The following TACC1 variants were observed in gnomAD, a reference collection of about 807,000 sequenced individuals.
The protein encoded by TACC1 is transforming acidic coiled-coil containing protein 1.
TACC1 carries 48 observed loss-of-function variants against 84.4 expected under a neutral mutation model. The observed-to-expected ratio is 0.57, with a 90% CI of 0.45 to 0.72. TACC1 has a LOEUF of 0.72. Ranked by LOEUF, TACC1 falls within the 30% of genes least tolerant of loss-of-function variation. TACC1 has a pLI of 0.00. For synonymous variants in TACC1, 372 were observed against 376.3 expected, an observed-to-expected ratio of 0.99 and a Z score of 0.13; for missense variants, 920 against 973.0, an observed-to-expected ratio of 0.95 and a Z score of 0.72.
upstream of TACC1, among the ~76,000 whole-genome samples, chr8:38,782,761 C>G (rs1816290473): frequency 6.6e-6 from 1 of 152,204 alleles, no homozygotes; most frequent in Admixed American, 6.5e-5. Flanking sequence ...AGATAGTTCA[C>G]TGCTTTAAGT....
At chr8:38,821,305 T>G (rs1404928692) in intron 3 of TACC1, among the ~76,000 whole-genome samples, 1 of 152,168 alleles carries the variant, frequency 6.6e-6, no homozygotes, top group East Asian at 1.9e-4. Flanking sequence ...AATTCAAATG[T>G]CACTGCTGGC....
rs59850971 is a variant in TACC1 at position 38,823,658 on chromosome 8, A to G, written c.1392-1650A>G. Among the ~76,000 whole-genome samples the G allele has an allele frequency of 8.1e-3, 1,229 of 152,204 alleles. 14 individuals carry two copies. Among genetic ancestry groups the G allele is most frequent in the African/African-American group, 0.028 (1,171 of 41,508 alleles). ...TAATACACTTAATAGGGCTTTTTTT[A>G]AGGCCTTATGCAATCAAAAATCTTG... On this transcript the variant is annotated intron_variant, in intron 3 of 12. Coordinates refer to ENST00000317827, the MANE Select transcript of TACC1 (RefSeq NM_006283.3).
At chr8:38,785,559 C>A (rs1816976214), upstream of TACC1, 4 of 357,572 alleles carry the variant, frequency 1.1e-5, no homozygotes, top group Non-Finnish European at 1.6e-5. Flanking sequence ...AGTGCGGGAA[C>A]TATGTCAGTC....
At chr8:38,790,945 C>T (rs1370978848) in intron 2 of TACC1, among the ~76,000 whole-genome samples, 3 of 152,206 alleles carry the variant, frequency 2.0e-5, no homozygotes, top group South Asian at 2.1e-4. Context: ...ACTTATTCCT[C>T]ATAGCTTCCC....
chr8:38,797,303 C>T (rs780098709), intron 2 of TACC1, among the ~76,000 whole-genome samples: 2 of 152,208 alleles, frequency 1.3e-5, no homozygotes, highest in Admixed American at 6.5e-5. Context: ...ATATAGGGGC[C>T]GTCTTGGAGG....
At chr8:38,764,604 A>C (rs1257145737) in intron 3 of TACC1, among the ~76,000 whole-genome samples, 1 of 152,030 alleles carries the variant, frequency 6.6e-6, no homozygotes, top group African/African-American at 2.4e-5. Flanking sequence ...ATTTATTTGT[A>C]AGAGTTCTTT....
chr8:38,809,982 T>TA (rs1226623017), intron 2 of TACC1, among the ~76,000 whole-genome samples: 2 of 152,148 alleles, frequency 1.3e-5, no homozygotes, highest in Non-Finnish European at 2.9e-5. Context: ...TATGTAACTG[T>TA]AAAAAAACTT....
In TACC1 at chr8:38,848,026, C is replaced by T; in HGVS notation, c.*3C>T. 6.2e-7 allele frequency: 1 copy of T among 1,613,116 alleles called. No homozygotes were observed. The highest frequency in any genetic ancestry group is 8.5e-7 in the Non-Finnish European group (1 of 1,179,406). On this transcript the variant is annotated 3_prime_UTR_variant, in exon 13 of 13. Coordinates refer to ENST00000317827, the MANE Select transcript of TACC1 (RefSeq NM_006283.3). ...CAAAGCTGGGAAAGACTGACTGAGA[C>T]ACTCCCCCTGTTAGCTCAACAGATC...
intron 1 of TACC1, among the ~76,000 whole-genome samples, chr8:38,736,381 G>A (rs377546883): frequency 1.3e-4 from 20 of 152,268 alleles, no homozygotes; most frequent in African/African-American, 4.6e-4. Flanking sequence ...TTGGGAGGCC[G>A]AAGAAGGAGG....
intron 2 of TACC1, among the ~76,000 whole-genome samples, chr8:38,792,484 GAGAT>G (rs1294682190): frequency 6.6e-6 from 1 of 151,632 alleles, no homozygotes; most frequent in African/African-American, 2.4e-5. Context: ...TTTGTTTTTT[GAGAT>G]AGAGTCTCGC....
chr8:38,771,278 G>A (rs533038135), intron 3 of TACC1, among the ~76,000 whole-genome samples: 1 of 152,242 alleles, frequency 6.6e-6, no homozygotes, highest in South Asian at 2.1e-4. Context: ...CATGCCCCTA[G>A]AGTTTCAGGG....
chr8:38,787,899 G>A (rs1817660615), intron 1 of TACC1, among the ~76,000 whole-genome samples, 156 bp downstream of exon 1: 1 of 152,250 alleles, frequency 6.6e-6, no homozygotes, highest in South Asian at 2.1e-4. Context: ...GCGTCCGAAA[G>A]TTCAGGATCT....
At chr8:38,839,246 A>T (rs1335684436) in intron 8 of TACC1, 3 of 387,268 alleles carry the variant, frequency 7.7e-6, no homozygotes, top group African/African-American at 6.2e-5. Context: ...TAACCACCAA[A>T]TAGATGATAG....
At chr8:38,749,264 T>C (rs1789744813) in intron 3 of TACC1, among the ~76,000 whole-genome samples, 1 of 152,212 alleles carries the variant, frequency 6.6e-6, no homozygotes, top group Admixed American at 6.5e-5. Context: ...CAATTAAAGA[T>C]ATTGAATTTG....
intron 1 of TACC1, among the ~76,000 whole-genome samples, chr8:38,740,953 C>T (rs910975701): frequency 2.0e-5 from 3 of 152,210 alleles, no homozygotes; most frequent in African/African-American, 7.2e-5. Context: ...CTTGGCAGCT[C>T]TCTCTGGCTC....
At chr8:38,774,219 G>A (rs1287891153) in intron 3 of TACC1, among the ~76,000 whole-genome samples, 2 of 152,138 alleles carry the variant, frequency 1.3e-5, no homozygotes, top group Non-Finnish European at 1.5e-5. Flanking sequence ...CATCTCCACC[G>A]ATGCCGTCCA....
chr8:38,777,721 G>A (rs1815103044), intron 3 of TACC1, among the ~76,000 whole-genome samples: 1 of 152,218 alleles, frequency 6.6e-6, no homozygotes, highest in African/African-American at 2.4e-5. Context: ...CTAGAGCCCA[G>A]GAGCTCGAGG....
chr8:38,813,982 A>G (rs1398364588), intron 2 of TACC1, among the ~76,000 whole-genome samples: 1 of 152,156 alleles, frequency 6.6e-6, no homozygotes, highest in Non-Finnish European at 1.5e-5. Flanking sequence ...TCCATTCTCT[A>G]TCACTTGTCC....
intron 2 of TACC1, among the ~76,000 whole-genome samples, chr8:38,807,071 G>C (rs1443764296): frequency 7.9e-5 from 12 of 152,332 alleles, no homozygotes; most frequent in East Asian, 5.8e-4. Context: ...ACATGGAAGA[G>C]CTGGGTGTAA....
Sources: allele counts gnomAD v4.1 joint callset (sites outside exome capture counted in the v4.1 genomes callset), GRCh38; gene constraint gnomAD v4.1.1; transcripts MANE v1.5; gene names NCBI Gene and HGNC (gene_info 2026-07-23, HGNC 2026-07-21).